Variants in OXR1 observed in about 807,000 individuals in gnomAD.
OXR1 encodes oxidation resistance 1, also known as oxidation resistance protein 1.
OXR1 carries 41 observed loss-of-function variants against 104.6 expected under a neutral mutation model. The ratio of observed to expected loss-of-function variants is 0.39; its 90% confidence interval spans 0.31 to 0.51. OXR1 has a LOEUF of 0.51. Among genes scored for constraint, OXR1 ranks in the 20% least tolerant of loss-of-function variants. The probability of loss-of-function intolerance (pLI) is 0.77; values close to 1 mark genes in which losing one functional copy is unlikely to be tolerated. For missense variants in OXR1, 955 were observed against 1,031.9 expected (o/e 0.93, Z 1.02); for synonymous variants, 348 against 348.4 (o/e 1.00, Z 0.01).
chr8:106,722,004 C>T (rs1400995443), intron 11 of OXR1, among the ~76,000 whole-genome samples: 3 of 152,132 alleles, frequency 2.0e-5, no homozygotes, highest in Admixed American at 1.3e-4. Context: ...CTTCTACAAC[C>T]GTGGTTATTG....
At chr8:106,307,412 T>G (rs1313919179) in intron 1 of OXR1, among the ~76,000 whole-genome samples, 1 of 152,188 alleles carries the variant, frequency 6.6e-6, no homozygotes, top group African/African-American at 2.4e-5. Context: ...TCCTTTTTCC[T>G]CCTCACACTC....
chr8:106,486,344 C>T (rs937859091), intron 2 of OXR1, among the ~76,000 whole-genome samples: 1 of 152,080 alleles, frequency 6.6e-6, no homozygotes, highest in Non-Finnish European at 1.5e-5. Context: ...AAGCTGCACG[C>T]CATGTTTCAA....
chr8:106,737,422 C>T, intron 11 of OXR1, 98 bp from the exon 12 acceptor site: 1 of 428,272 alleles, frequency 2.3e-6, no homozygotes, highest in Non-Finnish European at 4.0e-6. Context: ...CAGTTCTCTT[C>T]CCATTTTAAT....
At chr8:106,675,568 T>C (rs1032888798) in intron 3 of OXR1, among the ~76,000 whole-genome samples, 2 of 152,206 alleles carry the variant, frequency 1.3e-5, no homozygotes, top group Non-Finnish European at 2.9e-5. Flanking sequence ...CAAAAGTCAT[T>C]CAGGAGCAGA....
At chr8:106,451,589 T>C (rs1820316997) in intron 2 of OXR1, among the ~76,000 whole-genome samples, 1 of 152,188 alleles carries the variant, frequency 6.6e-6, no homozygotes, top group Admixed American at 6.5e-5. Context: ...ATATTAGTTT[T>C]GATAATGTTG....
chr8:106,644,917 T>G (rs1328832020), intron 3 of OXR1, among the ~76,000 whole-genome samples: 1 of 152,158 alleles, frequency 6.6e-6, no homozygotes, highest in African/African-American at 2.4e-5. Context: ...GAATTTTAAT[T>G]TTTTAAAAAG....
chr8:106,323,312 C>T (rs1453116785), intron 1 of OXR1, among the ~76,000 whole-genome samples: 2 of 152,132 alleles, frequency 1.3e-5, no homozygotes, highest in East Asian at 3.8e-4. Flanking sequence ...ATAAATGGTG[C>T]TGGGATAACT....
intron 2 of OXR1, among the ~76,000 whole-genome samples, chr8:106,505,682 G>A (rs996754167): frequency 6.6e-6 from 1 of 152,174 alleles, no homozygotes; most frequent in Non-Finnish European, 1.5e-5. Context: ...CATTCCAGGT[G>A]GAGGTAAGAG....
At chr8:106,437,326 G>A (rs543916602) in intron 2 of OXR1, among the ~76,000 whole-genome samples, 10 of 152,176 alleles carry the variant, frequency 6.6e-5, no homozygotes, top group East Asian at 3.9e-4. Context: ...TAATGATTTC[G>A]TGTCTAATTT....
intron 2 of OXR1, among the ~76,000 whole-genome samples, chr8:106,377,452 C>T (rs1054220079): frequency 6.6e-6 from 1 of 152,116 alleles, no homozygotes. Context: ...TCCTAAATTG[C>T]TAGGATTACA....
intron 11 of OXR1, chr8:106,726,288 A>C: frequency 6.6e-7 from 1 of 1,518,724 alleles, no homozygotes; most frequent in Non-Finnish European, 8.8e-7. Context: ...GACATCAACC[A>C]ATTAATCATA....
At position 106,683,267 on chromosome 8, in the gene OXR1, A is replaced by G. The variant is rs761755747; in HGVS notation, c.372A>G (p.Gln124=). The G allele has an allele frequency of 1.2e-6, 2 of 1,603,572 alleles. No individual in the cohort carries two copies. Among genetic ancestry groups the G allele is most frequent in the South Asian group, 1.1e-5 (1 of 90,652 alleles). Residue 124 remains glutamine, a synonymous_variant, in exon 5 of 17, where the codon CAA becomes CAG. Transcript: ENST00000517566. The stretch of plus-strand genomic sequence containing the variant: ...ATACAACACCTAACGAACTTGTTCA[A>G]TTAAATAAGTTATTCTCCCGAGCAG... The part of the protein sequence containing the change: ...KFDTTPNELV[Q]LNKLFSRAVV...
At chr8:106,292,178 C>T (rs1400747340) in intron 1 of OXR1, among the ~76,000 whole-genome samples, 1 of 152,172 alleles carries the variant, frequency 6.6e-6, no homozygotes, top group African/African-American at 2.4e-5. Flanking sequence ...GTATTCAAGT[C>T]ATCCTTATTT....
At position 106,352,155 on chromosome 8, in the gene OXR1, A is replaced by G. The variant is rs144363559; in HGVS notation, c.-138-7321A>G. 3.3e-5 allele frequency among the ~76,000 whole-genome samples: 5 copies of G among 152,304 alleles called. No homozygotes were observed. In the East Asian group the frequency reaches 9.7e-4, roughly 29 times the overall value. ...ATTGTTATTAATCAGGCATCAGAAG[A>G]CAGTGGATAGAGGTAGTGAGAATGG... On this transcript the variant is annotated intron_variant, in intron 1 of 16. Transcript: ENST00000517566.
At chr8:106,554,650 T>C (rs1315825339) in intron 3 of OXR1, among the ~76,000 whole-genome samples, 3 of 152,152 alleles carry the variant, frequency 2.0e-5, no homozygotes, top group African/African-American at 7.2e-5. Flanking sequence ...TATTTTTAAA[T>C]AGAAACTTAA....
chr8:106,326,390 G>T (rs1489017806), intron 1 of OXR1, among the ~76,000 whole-genome samples: 2 of 152,186 alleles, frequency 1.3e-5, no homozygotes, highest in Non-Finnish European at 2.9e-5. Flanking sequence ...CAAGAAAAAG[G>T]TAAGTAAACT....
intron 9 of OXR1, among the ~76,000 whole-genome samples, chr8:106,708,846 G>A (rs961579700): frequency 1.3e-5 from 2 of 151,952 alleles, no homozygotes; most frequent in Admixed American, 6.6e-5. Context: ...AGGAACCTCC[G>A]TACTGTTTTC....
At chr8:106,452,550 C>T (rs534787261) in intron 2 of OXR1, among the ~76,000 whole-genome samples, 6 of 152,194 alleles carry the variant, frequency 3.9e-5, no homozygotes, top group African/African-American at 7.2e-5. Flanking sequence ...CTTTCTGTTA[C>T]GTCAAAGTGC....
intron 2 of OXR1, among the ~76,000 whole-genome samples, chr8:106,431,766 T>C (rs997341195): frequency 6.6e-6 from 1 of 152,170 alleles, no homozygotes; most frequent in African/African-American, 2.4e-5. Context: ...TCAGAGAAAA[T>C]AAAGCATAAA....
Sources: allele counts gnomAD v4.1 joint callset (sites outside exome capture counted in the v4.1 genomes callset), GRCh38; gene constraint gnomAD v4.1.1; transcripts MANE v1.5; gene names NCBI Gene and HGNC (gene_info 2026-07-23, HGNC 2026-07-21).